The following AKIRIN2 variants were observed in gnomAD, a reference collection of about 807,000 sequenced individuals.
AKIRIN2 encodes the protein akirin-2.
AKIRIN2 carries 6 observed loss-of-function variants against 29.3 expected under a neutral mutation model. That is an observed-to-expected ratio of 0.20 (90% CI 0.11 to 0.40). The LOEUF (loss-of-function observed/expected upper bound fraction) is 0.40. Ranked by LOEUF, AKIRIN2 falls within the 10% of genes least tolerant of loss-of-function variation. The probability of loss-of-function intolerance (pLI) is 1.00; values close to 1 mark genes in which losing one functional copy is unlikely to be tolerated. For missense variants in AKIRIN2, 210 were observed against 276.1 expected (o/e 0.76, Z 1.70); for synonymous variants, 128 against 117.5 (o/e 1.09, Z -0.58).
At chr6:87,694,159 C>G (rs1771323039) in intron 1 of AKIRIN2, among the ~76,000 whole-genome samples, 2 of 152,004 alleles carry the variant, frequency 1.3e-5, no homozygotes, top group Admixed American at 6.6e-5. Context: ...GGGAGTTTTA[C>G]AAGAATTAAC....
Position 87,675,447 on chromosome 6 carries a change from T to C in AKIRIN2, c.*150A>G. 9.3e-7 allele frequency: 1 copy of C among 1,076,334 alleles called. No individual in the cohort carries two copies. The highest frequency in any genetic ancestry group is 1.4e-6 in the Non-Finnish European group (1 of 725,884). 66.7% of individuals were successfully genotyped at this position (1,076,334 alleles called of 1,614,324 possible). Reference sequence around the variant, plus strand: ...CATCAGGGAAATTTCCAAAACCAGTTGCTGCTGCCTAAGAGTGGTTGCCAC... The same window carrying C: ...CATCAGGGAAATTTCCAAAACCAGTCGCTGCTGCCTAAGAGTGGTTGCCAC... On this transcript the variant is annotated 3_prime_UTR_variant, in exon 5 of 5. Coordinates refer to ENST00000257787, the MANE Select transcript of AKIRIN2 (RefSeq NM_018064.4).
chr6:87,697,618 T>G (rs1771392385), intron 1 of AKIRIN2, among the ~76,000 whole-genome samples: 1 of 152,194 alleles, frequency 6.6e-6, no homozygotes, highest in South Asian at 2.1e-4. Flanking sequence ...CCAACAGACG[T>G]CTCATTTGTT....
At chr6:87,689,024 C>T (rs1771235672) in intron 1 of AKIRIN2, among the ~76,000 whole-genome samples, 1 of 152,184 alleles carries the variant, frequency 6.6e-6, no homozygotes. Flanking sequence ...GTTGTTCCTC[C>T]TCCTGCAGGG....
At chr6:87,688,841 T>G (rs66965134) in intron 1 of AKIRIN2, among the ~76,000 whole-genome samples, 19,912 of 152,190 alleles carry the variant, frequency 0.13, 1,460 homozygotes, top group African/African-American at 0.19. Context: ...TACAGAAACA[T>G]TTGGTTCCAA....
intron 1 of AKIRIN2, among the ~76,000 whole-genome samples, chr6:87,693,847 T>C (rs927338831): frequency 1.1e-4 from 16 of 152,112 alleles, no homozygotes; most frequent in South Asian, 2.1e-4. Flanking sequence ...CTATGAAAGA[T>C]TGTCACAGTG....
chr6:87,696,759 G>A (rs1771372868), intron 1 of AKIRIN2, among the ~76,000 whole-genome samples: 2 of 149,660 alleles, frequency 1.3e-5, no homozygotes, highest in Admixed American at 6.7e-5. Flanking sequence ...TGTAATCCCA[G>A]CACTTTGGGA....
chr6:87,680,731 T>C (rs1005215074), intron 2 of AKIRIN2, among the ~76,000 whole-genome samples: 4 of 150,904 alleles, frequency 2.7e-5, no homozygotes, highest in Non-Finnish European at 5.9e-5. Flanking sequence ...AACCTTCAAC[T>C]TTCTCTTTGC....
chr6:87,677,984 C>G lies in AKIRIN2; in HGVS notation c.380-17G>C. ...ATGAAGTCCCTATGTACAATGAGGA[C>G]AAAAAATAGCACCTGGTTTAGAGCC... is the stretch of plus-strand genomic sequence containing the variant. On this transcript the variant is annotated splice_polypyrimidine_tract_variant and intron_variant, in intron 2 of 4. Transcript: ENST00000257787. 6.3e-7 allele frequency: 1 copy of G among 1,596,540 alleles called. No homozygotes were observed. The highest frequency in any genetic ancestry group is 2.2e-5 in the East Asian group (1 of 44,648).
rs144476884 is a variant in AKIRIN2 at position 87,683,649 on chromosome 6, G to A, written c.236-1886C>T. On this transcript the variant is annotated intron_variant, in intron 1 of 4. Coordinates refer to ENST00000257787, the MANE Select transcript of AKIRIN2 (RefSeq NM_018064.4). ...CTTTTCAGTAACAACAATCTAAAGG[G>A]TTTTTCTTTTCTTTTCTTTTTTGAG... Among the ~76,000 whole-genome samples the A allele has an allele frequency of 5.8e-3, 882 of 152,032 alleles. 7 individuals are homozygous for A. The highest frequency in any genetic ancestry group is 0.02 in the African/African-American group (823 of 41,464).
intron 1 of AKIRIN2, among the ~76,000 whole-genome samples, chr6:87,694,228 C>T (rs987272377): frequency 4.6e-5 from 7 of 152,044 alleles, no homozygotes; most frequent in Non-Finnish European, 8.8e-5. Context: ...TATACTGACA[C>T]AATTTCAGAA....
chr6:87,694,105 C>G (rs1215064858), intron 1 of AKIRIN2, among the ~76,000 whole-genome samples: 1 of 152,074 alleles, frequency 6.6e-6, no homozygotes, highest in African/African-American at 2.4e-5. Context: ...AAGAAAAATC[C>G]AAGTCCCTCT....
intron 1 of AKIRIN2, among the ~76,000 whole-genome samples, chr6:87,690,941 C>T (rs1461809242): frequency 6.6e-6 from 1 of 152,032 alleles, no homozygotes; most frequent in Admixed American, 6.5e-5. Context: ...CCACTGCACT[C>T]CAGCCTGGGC....
chr6:87,702,129 C>A lies in AKIRIN2; in HGVS notation c.-445G>T. On this transcript the variant is annotated 5_prime_UTR_variant, in exon 1 of 5. Transcript: ENST00000257787. ...GGCTCCTAATACGCCCGAGTACGGT[C>A]AGTAGCTTGCGAGCGGCGATCGATG... The A allele has an allele frequency of 2.5e-6, 1 of 398,944 alleles. No homozygotes were observed. The highest frequency in any genetic ancestry group is 1.2e-4 in the South Asian group (1 of 8,010). 24.7% of individuals were successfully genotyped at this position (398,944 alleles called of 1,614,324 possible).
At chr6:87,679,810 A>G (rs1460822486) in intron 2 of AKIRIN2, among the ~76,000 whole-genome samples, 1 of 152,236 alleles carries the variant, frequency 6.6e-6, no homozygotes, top group Non-Finnish European at 1.5e-5. Flanking sequence ...TGTAGTAATA[A>G]CATCTACTGT....
intron 3 of AKIRIN2, among the ~76,000 whole-genome samples, chr6:87,676,622 CACACAAACAT>C (rs886349800): frequency 1.6e-5 from 2 of 123,180 alleles, no homozygotes; most frequent in African/African-American, 5.7e-5. Context: ...CACACACACA[CACACAAACAT>C]AGCTGGGCAT....
chr6:87,700,607 CAA>C (rs1405164953), intron 1 of AKIRIN2: 3 of 152,272 alleles, frequency 2.0e-5, no homozygotes, highest in Middle Eastern at 3.4e-3. Flanking sequence ...AGATGAAAAG[CAA>C]AAGTCTGAAG....
chr6:87,695,149 T>C (rs1322151838), intron 1 of AKIRIN2, among the ~76,000 whole-genome samples: 1 of 152,214 alleles, frequency 6.6e-6, no homozygotes, highest in Non-Finnish European at 1.5e-5. Context: ...TTCTTATACA[T>C]GGGGCTACTT....
At chr6:87,692,847 T>C (rs138991547) in intron 1 of AKIRIN2, among the ~76,000 whole-genome samples, 199 of 151,712 alleles carry the variant, frequency 1.3e-3, no homozygotes, top group Non-Finnish European at 2.5e-3. Context: ...AAAGTTAATT[T>C]TTAGAAAACA....
chr6:87,676,656 T>G (rs1008589905), intron 3 of AKIRIN2, among the ~76,000 whole-genome samples: 1 of 149,274 alleles, frequency 6.7e-6, no homozygotes, highest in African/African-American at 2.5e-5. Flanking sequence ...GGCACACACC[T>G]GTAGTCCCAG....
Sources: allele counts gnomAD v4.1 joint callset (sites outside exome capture counted in the v4.1 genomes callset), GRCh38; gene constraint gnomAD v4.1.1; transcripts MANE v1.5; gene names NCBI Gene and HGNC (gene_info 2026-07-23, HGNC 2026-07-21).